The following RBFOX3 variants were observed in gnomAD, a reference collection of about 807,000 sequenced individuals.
The protein encoded by RBFOX3 is RNA binding protein fox-1 homolog 3.
RBFOX3 carries 17 observed loss-of-function variants against 48.7 expected under a neutral mutation model. The observed-to-expected ratio is 0.35, with a 90% CI of 0.24 to 0.52. The LOEUF is 0.52. Ranked by LOEUF, RBFOX3 falls within the 20% of genes least tolerant of loss-of-function variation. The pLI is 0.94. For synonymous variants in RBFOX3, 212 were observed against 209.5 expected (o/e 1.01, Z -0.10); for missense variants, 382 against 497.5 (o/e 0.77, Z 2.21).
intron 1 of RBFOX3, among the ~76,000 whole-genome samples, chr17:79,592,154 A>G (rs1214349479): frequency 2.1e-5 from 3 of 143,680 alleles, no homozygotes; most frequent in Admixed American, 1.4e-4. Context: ...GCATGCATGC[A>G]TGTGTGTGTG....
At chr17:79,289,541 G>A (rs1053884472) in intron 3 of RBFOX3, among the ~76,000 whole-genome samples, 1 of 152,202 alleles carries the variant, frequency 6.6e-6, no homozygotes, top group Non-Finnish European at 1.5e-5. Flanking sequence ...AGCTTCCCCT[G>A]ACTTCTTCCT....
At chr17:79,523,315 T>C (rs1673284146) in intron 1 of RBFOX3, among the ~76,000 whole-genome samples, 2 of 152,182 alleles carry the variant, frequency 1.3e-5, no homozygotes, top group African/African-American at 2.4e-5. Context: ...GTATATTTTA[T>C]CACAATCTAA....
chr17:79,347,696 C>T (rs2083144910), intron 2 of RBFOX3, among the ~76,000 whole-genome samples: 1 of 152,182 alleles, frequency 6.6e-6, no homozygotes, highest in Admixed American at 6.5e-5. Flanking sequence ...ACAATTTCTA[C>T]TCGGTTCCTT....
At chr17:79,287,983 AC>A (rs570049885) in intron 3 of RBFOX3, among the ~76,000 whole-genome samples, 52 of 151,788 alleles carry the variant, frequency 3.4e-4, no homozygotes, top group South Asian at 1.5e-3. Context: ...CGCTGCTGCA[AC>A]CCCTCTCGGG....
chr17:79,306,753 C>G lies in RBFOX3; in HGVS notation c.-74+971G>C, dbSNP rs569930214. On this transcript the variant is annotated intron_variant, in intron 3 of 14. Transcript: ENST00000693108. ...TACCAACAGCCCCACCTGAGCCAACCTCCTAGGCCTCCCGTGCCGGGTGTC... is the reference window on the plus strand; with the variant it reads ...TACCAACAGCCCCACCTGAGCCAACGTCCTAGGCCTCCCGTGCCGGGTGTC... Among the ~76,000 whole-genome samples the G allele has an allele frequency of 3.9e-4, 60 of 152,318 alleles. No homozygotes were observed. In the South Asian group the frequency reaches 0.012, roughly 30 times the overall value.
chr17:79,548,364 T>C (rs1474470066), intron 1 of RBFOX3, among the ~76,000 whole-genome samples: 3 of 152,196 alleles, frequency 2.0e-5, no homozygotes, highest in African/African-American at 7.2e-5. Flanking sequence ...CTGGCTTGCA[T>C]CTGTGACTCC....
At chr17:79,349,495 T>C (rs934650289) in intron 2 of RBFOX3, among the ~76,000 whole-genome samples, 3 of 152,036 alleles carry the variant, frequency 2.0e-5, no homozygotes, top group Admixed American at 6.5e-5. Flanking sequence ...CCGGTCCCTA[T>C]TGAAATTCTG....
intron 1 of RBFOX3, among the ~76,000 whole-genome samples, chr17:79,546,892 G>A (rs2090518797): frequency 6.6e-6 from 1 of 151,588 alleles, no homozygotes; most frequent in African/African-American, 2.4e-5. Flanking sequence ...CTGGTCTCAA[G>A]CTCCCAACTT....
intron 4 of RBFOX3, among the ~76,000 whole-genome samples, chr17:79,172,675 A>G (rs2049604393): frequency 6.6e-6 from 1 of 152,242 alleles, no homozygotes; most frequent in Non-Finnish European, 1.5e-5. Context: ...TAGATCGGCC[A>G]GTACGTTAAC....
rs936561750 is a variant in RBFOX3, at chr17:79,363,131, G to A, written c.-174-55307C>T. Among the ~76,000 whole-genome samples, 1 of 152,192 alleles carries A rather than the reference G, an allele frequency of 6.6e-6. No homozygotes were observed. Among genetic ancestry groups the A allele is most frequent in the Non-Finnish European group, 1.5e-5 (1 of 68,032 alleles). Reference sequence around the variant, plus strand: ...GCCGCAGGGGAGGCACGTGGCTCCTGCAGGGGAGATGGAGGGGAGGCACAT... The same window carrying A: ...GCCGCAGGGGAGGCACGTGGCTCCTACAGGGGAGATGGAGGGGAGGCACAT... On this transcript the variant is annotated intron_variant, in intron 2 of 14. Transcript: ENST00000693108. The surrounding 1 kb of genome is among the most constrained non-coding windows in gnomAD (Gnocchi z 4.7).
intron 4 of RBFOX3, among the ~76,000 whole-genome samples, chr17:79,133,158 A>T (rs1322032667): frequency 1.3e-5 from 2 of 152,116 alleles, no homozygotes; most frequent in African/African-American, 4.8e-5. Context: ...TGCCCACAGG[A>T]GCAGGGTGGG....
chr17:79,143,775 C>T (rs2042420154), intron 4 of RBFOX3, among the ~76,000 whole-genome samples: 1 of 152,202 alleles, frequency 6.6e-6, no homozygotes, highest in African/African-American at 2.4e-5. Context: ...GTGGGTGGTG[C>T]CCTCGGAGCC....
intron 2 of RBFOX3, among the ~76,000 whole-genome samples, chr17:79,447,972 G>A (rs1215027170): frequency 6.6e-6 from 1 of 152,170 alleles, no homozygotes; most frequent in Non-Finnish European, 1.5e-5. Flanking sequence ...GTTTGAAAGT[G>A]TGTAGCACCT....
intron 2 of RBFOX3, among the ~76,000 whole-genome samples, chr17:79,444,846 T>G (rs1555737191): frequency 6.6e-6 from 1 of 152,144 alleles, no homozygotes; most frequent in Non-Finnish European, 1.5e-5. Context: ...TTATATATTC[T>G]TCCAGAATAT....
rs2066348414 is a variant in RBFOX3, at chr17:79,421,391, T to G, written c.-175+61063A>C. Among the ~76,000 whole-genome samples the G allele has an allele frequency of 6.6e-6, 1 of 152,050 alleles. No homozygotes were observed. Among genetic ancestry groups the G allele is most frequent in the Non-Finnish European group, 1.5e-5 (1 of 67,988 alleles). On this transcript the variant is annotated intron_variant, in intron 2 of 14. Coordinates refer to ENST00000693108, the MANE Select transcript of RBFOX3 (RefSeq NM_001350451.2). This position sits in a 1 kb window ranked among gnomAD's most constrained non-coding sequence, Gnocchi z 4.5. ...TGCTTGAAGTGGATGGCCCCCTCAA[T>G]GTGGAAGGAGGCTGGGCCTGGCTGC...
chr17:79,662,132 C>CTTTT, the RBFOX3 span, among the ~76,000 whole-genome samples: 4 of 96,866 alleles, frequency 4.1e-5, no homozygotes, highest in South Asian at 1.1e-3. Flanking sequence ...CCTGTTTATT[C>CTTTT]TTTTTTTTTT....
chr17:79,190,691 G>A lies in RBFOX3; in HGVS notation c.-34+45075C>T, dbSNP rs117411825. ...GCCTCGTGGTACACAAACCTTTTCC[G>A]TCTTAATTTTATTCAAAGGGTGAAG... On this transcript the variant is annotated intron_variant, in intron 4 of 14. Coordinates refer to ENST00000693108, the MANE Select transcript of RBFOX3 (RefSeq NM_001350451.2). Among the ~76,000 whole-genome samples the A allele has an allele frequency of 1.3e-3, 193 of 152,264 alleles. 2 individuals carry two copies. The highest frequency in any genetic ancestry group is 2.1e-3 in the Non-Finnish European group (146 of 68,028).
chr17:79,416,057 GC>G lies in RBFOX3; in HGVS notation c.-175+66396del, dbSNP rs143258882. ...CCTTCTGCCGCCGCCTCTTCCTCTC[GC>G]CTGCACTCCAGGGTCCATGTGGTGC... On this transcript the variant is annotated intron_variant, in intron 2 of 14. Transcript: ENST00000693108. 7.4e-3 allele frequency among the ~76,000 whole-genome samples: 1,132 copies of G among 152,264 alleles called. 15 individuals are homozygous for G. Among genetic ancestry groups the G allele is most frequent in the African/African-American group, 0.026 (1,087 of 41,540 alleles).
intron 3 of RBFOX3, among the ~76,000 whole-genome samples, chr17:79,275,845 C>T (rs190931134): frequency 1.1e-4 from 17 of 152,254 alleles, no homozygotes; most frequent in Non-Finnish European, 1.5e-4. Flanking sequence ...CCAGAGCCAC[C>T]GGAGGACCCA....
Sources: gnomAD v4.1 joint callset for allele counts (sites outside exome capture counted in the v4.1 genomes callset) on GRCh38, gnomAD v4.1.1 for gene constraint, Gnocchi (gnomAD v3.1) non-coding constraint, MANE v1.5 for transcripts, NCBI Gene and HGNC (gene_info 2026-07-23, HGNC 2026-07-21) for gene names.